MYOM1: variants seen among roughly 807,000 people sequenced by gnomAD.
The protein encoded by MYOM1 is myomesin-1.
In MYOM1, 164 loss-of-function variants were observed where a neutral mutation model predicts 205.3. That is an observed-to-expected ratio of 0.80 (90% CI 0.70 to 0.91). The LOEUF (loss-of-function observed/expected upper bound fraction) is 0.91, where lower values mean the gene tolerates loss of function less well. Among genes scored for constraint, MYOM1 ranks in the 40% least tolerant of loss-of-function variants. MYOM1 has a pLI of 0.00. For missense variants in MYOM1, 2,011 were observed against 2,127.3 expected (o/e 0.95, Z 1.08); for synonymous variants, 772 against 789.4 (o/e 0.98, Z 0.37).
At chr18:3,236,974 A>G in the MYOM1 span, among the ~76,000 whole-genome samples, 4 of 152,296 alleles carry the variant, frequency 2.6e-5, no homozygotes, top group Non-Finnish European at 5.9e-5. Flanking sequence ...AAGGTGAGGG[A>G]GTGAGCACCT....
intron 9 of MYOM1, among the ~76,000 whole-genome samples, chr18:3,167,918 A>AT (rs1419694278): frequency 6.6e-6 from 1 of 152,204 alleles, no homozygotes. Context: ...TTGAATTGTG[A>AT]TTTAAAGCCA....
At chr18:3,167,376 TTA>T (rs1302720228) in intron 9 of MYOM1, among the ~76,000 whole-genome samples, 3 of 152,172 alleles carry the variant, frequency 2.0e-5, no homozygotes, top group African/African-American at 7.2e-5. Context: ...TTATTTTATT[TTA>T]TGTTTTTTGT....
intron 30 of MYOM1, 94 bp from the exon 31 acceptor site, chr18:3,085,226 CTGCTTTTTTTTTTTTTTTTTTTTTTTT>C (rs2079137389): frequency 9.9e-6 from 2 of 202,984 alleles, no homozygotes; most frequent in South Asian, 6.0e-5. Flanking sequence ...TCTGCTGCTG[CTGCTTTTTTTTTTTTTTTTTTTTTTTT>C]TTTTTTTTTT....
At chr18:3,155,191 A>C in intron 10 of MYOM1, 103 bp from the exon 11 acceptor site, 22 of 1,183,678 alleles carry the variant, frequency 1.9e-5, no homozygotes, top group Non-Finnish European at 2.4e-5. Flanking sequence ...ACAGTGGCTC[A>C]ATCTTTGGCC....
At chr18:3,171,030 T>A (rs2080549617) in intron 8 of MYOM1, among the ~76,000 whole-genome samples, 2 of 152,200 alleles carry the variant, frequency 1.3e-5, no homozygotes, top group African/African-American at 2.4e-5. Context: ...AGAAATCCCA[T>A]AATAATGCTA....
At chr18:3,207,036 G>A (rs891372924) in intron 2 of MYOM1, among the ~76,000 whole-genome samples, 7 of 150,596 alleles carry the variant, frequency 4.6e-5, no homozygotes, top group East Asian at 2.0e-4. Context: ...GAATATAACC[G>A]CAATTTTTTC....
Position 3,134,775 on chromosome 18 carries a change from G to A in MYOM1, c.2259C>T (p.Thr753=). 3.1e-6 allele frequency: 5 copies of A among 1,613,956 alleles called. No individual in the cohort carries two copies. Among genetic ancestry groups the A allele is most frequent in the Non-Finnish European group, 4.2e-6 (5 of 1,179,876 alleles). ...ACTCCTCCCACGAAACTACCACTGA[G>A]GTGTCTGTGTTTCTGCTTGGGATGA... ...GKIIPSRNTD[T]SVVVSWEESK... is the part of the protein sequence containing the mutation. Residue 753 remains threonine, a synonymous_variant, in exon 16 of 38, where the codon ACC becomes ACT. Coordinates refer to ENST00000356443, the MANE Select transcript of MYOM1 (RefSeq NM_003803.4).
chr18:3,235,309 TCTC>T, the MYOM1 span, among the ~76,000 whole-genome samples: 1 of 152,170 alleles, frequency 6.6e-6, no homozygotes, highest in Non-Finnish European at 1.5e-5. Flanking sequence ...CCAAACTATT[TCTC>T]CTCCTTACTT....
At chr18:3,120,702 C>T (rs1005603028) in intron 19 of MYOM1, among the ~76,000 whole-genome samples, 9 of 152,094 alleles carry the variant, frequency 5.9e-5, no homozygotes, top group Admixed American at 2.0e-4. Flanking sequence ...CAATAGAAAG[C>T]TAGGGCATGT....
chr18:3,213,295 A>G (rs1177494022), intron 2 of MYOM1, among the ~76,000 whole-genome samples: 2 of 152,230 alleles, frequency 1.3e-5, no homozygotes, highest in Non-Finnish European at 2.9e-5. Flanking sequence ...ACTGAAAAGT[A>G]TGTTATGTTT....
chr18:3,169,245 G>A (rs993077302), intron 8 of MYOM1, among the ~76,000 whole-genome samples: 1 of 152,110 alleles, frequency 6.6e-6, no homozygotes, highest in African/African-American at 2.4e-5. Flanking sequence ...AAAGGGTCAG[G>A]TTTAATGTCT....
At chr18:3,177,142 A>G (rs1334650282) in intron 5 of MYOM1, among the ~76,000 whole-genome samples, 2 of 151,382 alleles carry the variant, frequency 1.3e-5, no homozygotes, top group Non-Finnish European at 2.9e-5. Context: ...TGGAGGCTGC[A>G]GTGGGAGAAT....
chr18:3,099,820 G>C (rs889467742), intron 25 of MYOM1, among the ~76,000 whole-genome samples: 1 of 152,208 alleles, frequency 6.6e-6, no homozygotes, highest in Non-Finnish European at 1.5e-5. Context: ...AGACATATAA[G>C]TGAATATATC....
Position 3,135,380 on chromosome 18 carries a change from A to T in MYOM1, c.2209+167T>A. On this transcript the variant is annotated intron_variant, in intron 15 of 37. Coordinates refer to ENST00000356443, the MANE Select transcript of MYOM1 (RefSeq NM_003803.4). This position sits in a 1 kb window ranked among gnomAD's most constrained non-coding sequence, Gnocchi z 4.1. ...TCCCAAAGAAGTTTACTTTTCATAA[A>T]CAAAAATAATGAATTTTTGTTTAAT... 1.8e-6 allele frequency: 1 copy of T among 566,672 alleles called. No homozygotes were observed. 35.1% of individuals were successfully genotyped at this position (566,672 alleles called of 1,614,324 possible).
At position 3,152,918 on chromosome 18, in the gene MYOM1, A is replaced by G. The variant is rs1441583115; in HGVS notation, c.1644-1025T>C. On this transcript the variant is annotated intron_variant, in intron 11 of 37. Transcript: ENST00000356443. The surrounding 1 kb of genome is among the most constrained non-coding windows in gnomAD (Gnocchi z 4.3). The stretch of plus-strand genomic sequence containing the variant: ...GTAAAGTGGAATAGACAACTTCCTC[A>G]CTTTCCTTATGTAAAGTGCTGTCAA... Among the ~76,000 whole-genome samples, 1 of 152,094 alleles carries G rather than the reference A, an allele frequency of 6.6e-6. No homozygotes were observed. Among genetic ancestry groups the G allele is most frequent in the Non-Finnish European group, 1.5e-5 (1 of 68,018 alleles).
intron 33 of MYOM1, among the ~76,000 whole-genome samples, chr18:3,081,931 G>A (rs2079090117): frequency 1.3e-5 from 2 of 152,210 alleles, no homozygotes; most frequent in African/African-American, 2.4e-5. Context: ...TAGCCCAGTG[G>A]TCCCCAACCT....
chr18:3,226,947 C>T, the MYOM1 span, among the ~76,000 whole-genome samples: 21 of 152,250 alleles, frequency 1.4e-4, no homozygotes, highest in African/African-American at 5.1e-4. This position sits in a 1 kb window ranked among gnomAD's most constrained non-coding sequence, Gnocchi z 4.6. Context: ...TCTTAACCTG[C>T]GTGTGAGGCT....
At chr18:3,200,208 C>A (rs1224153602) in intron 2 of MYOM1, among the ~76,000 whole-genome samples, 1 of 151,920 alleles carries the variant, frequency 6.6e-6, no homozygotes, top group Non-Finnish European at 1.5e-5. Flanking sequence ...ACCCAAAAAA[C>A]AAAAAACAAA....
chr18:3,206,419 C>T (rs765327856), intron 2 of MYOM1, among the ~76,000 whole-genome samples: 1 of 152,160 alleles, frequency 6.6e-6, no homozygotes, highest in Non-Finnish European at 1.5e-5. Context: ...GCTGTCTTTG[C>T]TCCAGTTAGC....
Sources: gnomAD v4.1 joint callset for allele counts (sites outside exome capture counted in the v4.1 genomes callset) on GRCh38, gnomAD v4.1.1 for gene constraint, Gnocchi (gnomAD v3.1) non-coding constraint, MANE v1.5 for transcripts, NCBI Gene and HGNC (gene_info 2026-07-23, HGNC 2026-07-21) for gene names.